Variants in MYLK observed in about 807,000 individuals in gnomAD.
The protein encoded by MYLK is myosin light chain kinase, smooth muscle.
MYLK carries 106 observed loss-of-function variants against 203.4 expected under a neutral mutation model. That is an observed-to-expected ratio of 0.52 (90% CI 0.45 to 0.61). The LOEUF (loss-of-function observed/expected upper bound fraction) is 0.61, where lower values mean the gene tolerates loss of function less well. Among genes scored for constraint, MYLK ranks in the 20% least tolerant of loss-of-function variants. MYLK has a pLI of 0.00. For missense variants in MYLK, 2,072 were observed against 2,442.3 expected, an observed-to-expected ratio of 0.85 and a Z score of 3.20; for synonymous variants, 867 against 959.5, an observed-to-expected ratio of 0.90 and a Z score of 1.78.
intron 12 of MYLK, among the ~76,000 whole-genome samples, chr3:123,724,741 T>C (rs1473495643): frequency 5.7e-5 from 1 of 17,660 alleles, no homozygotes; most frequent in Non-Finnish European, 2.4e-4. Context: ...TGCTCGCTCT[T>C]TCATTTATTT....
chr3:123,788,659 A>G (rs2064646464), intron 4 of MYLK, among the ~76,000 whole-genome samples: 1 of 151,522 alleles, frequency 6.6e-6, no homozygotes, highest in African/African-American at 2.4e-5. Context: ...AACTGAGTTG[A>G]AAGTTATTGG....
chr3:123,793,815 C>T lies in MYLK; in HGVS notation c.27G>A (p.Ser9=), dbSNP rs755039204. 10 of 1,614,020 alleles carry T rather than the reference C, an allele frequency of 6.2e-6. No homozygotes were observed. Among genetic ancestry groups the T allele is most frequent in the South Asian group, 3.3e-5 (3 of 91,074 alleles). Residue 9 remains serine (S), a synonymous_variant, in exon 4 of 34, where the codon TCG becomes TCA. Coordinates refer to ENST00000360304, the MANE Select transcript of MYLK (RefSeq NM_053025.4). ...TGAGGGAGGTTTTGGAAATGTGTGA[C>T]GAGGCAACCAGCTTCACATCCCCCA... MGDVKLVA[S]SHISKTSLSV...
chr3:123,780,755 C>T (rs2064265433), intron 4 of MYLK, among the ~76,000 whole-genome samples: 1 of 152,200 alleles, frequency 6.6e-6, no homozygotes, highest in African/African-American at 2.4e-5. Flanking sequence ...TCCATCCCTG[C>T]TCAGCCATCA....
intron 13 of MYLK, among the ~76,000 whole-genome samples, chr3:123,713,101 G>GT (rs562585870): frequency 6.6e-6 from 1 of 152,336 alleles, no homozygotes; most frequent in South Asian, 2.1e-4. Flanking sequence ...CAGGAGATGA[G>GT]TGAGTGAACT....
intron 4 of MYLK, among the ~76,000 whole-genome samples, chr3:123,756,902 TCACC>T: frequency 1.3e-5 from 2 of 152,304 alleles, no homozygotes; most frequent in Admixed American, 1.3e-4. Context: ...AAAGATATAG[TCACC>T]ATAACCCCTA....
At position 123,698,525 on chromosome 3, in the gene MYLK, T is replaced by C. The variant is rs186440080; in HGVS notation, c.3448+1495A>G. On this transcript the variant is annotated intron_variant, in intron 18 of 33. Coordinates refer to ENST00000360304, the MANE Select transcript of MYLK (RefSeq NM_053025.4). Reference sequence around the variant, plus strand: ...CCCACAGGGGCGGCAGGACAGGTTGTGGCGTCTGCTCCTCTGAAGTCTCAC... The same window carrying C: ...CCCACAGGGGCGGCAGGACAGGTTGCGGCGTCTGCTCCTCTGAAGTCTCAC... 3.2e-3 allele frequency among the ~76,000 whole-genome samples: 484 copies of C among 152,274 alleles called. 3 individuals carry two copies. The highest frequency in any genetic ancestry group is 0.011 in the African/African-American group (468 of 41,570).
At chr3:123,623,644 C>T (rs1263919429) in intron 31 of MYLK, 1 of 152,324 alleles carries the variant, frequency 6.6e-6, no homozygotes, top group Admixed American at 6.5e-5. Context: ...CCACCTGAGC[C>T]TGATCTTCCC....
intron 4 of MYLK, among the ~76,000 whole-genome samples, chr3:123,780,521 A>C (rs1375088123): frequency 1.3e-5 from 2 of 152,160 alleles, no homozygotes; most frequent in Admixed American, 6.5e-5. Flanking sequence ...ATCTGGTTCA[A>C]CTCTCTCATT....
At chr3:123,780,161 C>A (rs542717699) in intron 4 of MYLK, among the ~76,000 whole-genome samples, 9 of 152,184 alleles carry the variant, frequency 5.9e-5, no homozygotes, top group African/African-American at 1.9e-4. Flanking sequence ...TGGTTGGGCG[C>A]GGTGGCTCAT....
chr3:123,814,589 A>G (rs2065678548), intron 3 of MYLK, among the ~76,000 whole-genome samples: 1 of 152,238 alleles, frequency 6.6e-6, no homozygotes, highest in Admixed American at 6.5e-5. Context: ...ATAAAATTAT[A>G]TATACAAATT....
chr3:123,792,225 A>G (rs1164086985), intron 4 of MYLK, among the ~76,000 whole-genome samples: 1 of 152,240 alleles, frequency 6.6e-6, no homozygotes, highest in Non-Finnish European at 1.5e-5. Context: ...GAAGGAGTTT[A>G]TGTCTCAGAA....
At chr3:123,859,555 C>G (rs1371969874) in intron 2 of MYLK, among the ~76,000 whole-genome samples, 1 of 152,200 alleles carries the variant, frequency 6.6e-6, no homozygotes, top group African/African-American at 2.4e-5. Flanking sequence ...ACAAGCCATG[C>G]ATTTCCAAAA....
At chr3:123,811,149 G>C (rs2065546297) in intron 3 of MYLK, among the ~76,000 whole-genome samples, 1 of 152,182 alleles carries the variant, frequency 6.6e-6, no homozygotes, top group Non-Finnish European at 1.5e-5. Flanking sequence ...ACTTCTGCTC[G>C]GAGGTGTCAG....
Position 123,802,123 on chromosome 3 carries a change from TCTGA to T in MYLK, c.-3-8283_-3-8280del, listed in dbSNP as rs2065218168. Among the ~76,000 whole-genome samples, 4 of 152,240 alleles carry T rather than the reference TCTGA, an allele frequency of 2.6e-5. No individual in the cohort carries two copies. The South Asian group carries it at 8.3e-4, about 31-fold the overall frequency. On this transcript the variant is annotated intron_variant, in intron 3 of 33. Transcript: ENST00000360304. ...TTTTGGACTTTTAAACAAAAGCCATTCTGACTGATGTCAGATGGTACCTCATGAT... is the reference window on the plus strand; with the variant it reads ...TTTTGGACTTTTAAACAAAAGCCATTCTGATGTCAGATGGTACCTCATGAT...
chr3:123,744,648 C>A (rs953486996), intron 5 of MYLK, among the ~76,000 whole-genome samples: 20 of 152,146 alleles, frequency 1.3e-4, no homozygotes, highest in African/African-American at 4.8e-4. Flanking sequence ...GGTAAAATCT[C>A]ACCTTACCTT....
At chr3:123,683,578 T>A (rs950558301) in intron 19 of MYLK, among the ~76,000 whole-genome samples, 2 of 152,082 alleles carry the variant, frequency 1.3e-5, no homozygotes, top group Admixed American at 6.5e-5. Flanking sequence ...CCTGCATGAG[T>A]CCCTCTGCTC....
At chr3:123,754,128 C>T (rs918586379) in intron 4 of MYLK, among the ~76,000 whole-genome samples, 5 of 152,232 alleles carry the variant, frequency 3.3e-5, no homozygotes, top group Non-Finnish European at 7.3e-5. Context: ...GGACTGTGCT[C>T]AGTTTTCTTC....
chr3:123,752,212 G>C, intron 5 of MYLK, 119 bp downstream of exon 5: 1 of 1,050,370 alleles, frequency 9.5e-7, no homozygotes, highest in East Asian at 2.4e-5. Context: ...TTCAAGGATG[G>C]GGTGTGTTTT....
chr3:123,730,099 A>G (rs1181836254), intron 11 of MYLK, among the ~76,000 whole-genome samples: 3 of 152,004 alleles, frequency 2.0e-5, no homozygotes, highest in Non-Finnish European at 2.9e-5. Context: ...TGTGGTGGCA[A>G]GCACCTTTAG....
Sources: allele counts gnomAD v4.1 joint callset (sites outside exome capture counted in the v4.1 genomes callset), GRCh38; gene constraint gnomAD v4.1.1; transcripts MANE v1.5; gene names NCBI Gene and HGNC (gene_info 2026-07-23, HGNC 2026-07-21).